IQGAP2: variants seen among roughly 807,000 people sequenced by gnomAD.
IQGAP2 encodes IQ motif containing GTPase activating protein 2.
In IQGAP2, 173 loss-of-function variants were observed where a neutral mutation model predicts 201.3. The observed-to-expected ratio is 0.86, with a 90% CI of 0.76 to 0.98. The LOEUF (loss-of-function observed/expected upper bound fraction) is 0.98, where lower values mean the gene tolerates loss of function less well. Among genes scored for constraint, IQGAP2 ranks in the 50% least tolerant of loss-of-function variants. The pLI is 0.00. For missense variants in IQGAP2, 1,687 were observed against 1,864.8 expected (o/e 0.90, Z 1.76); for synonymous variants, 675 against 673.9 (o/e 1.00, Z -0.03).
chr5:76,430,634 A>G (rs926816699), intron 1 of IQGAP2, among the ~76,000 whole-genome samples: 1 of 152,214 alleles, frequency 6.6e-6, no homozygotes, highest in African/African-American at 2.4e-5. Flanking sequence ...CCCAGATTCA[A>G]GGAGAAGGGA....
intron 14 of IQGAP2, among the ~76,000 whole-genome samples, chr5:76,630,271 C>T (rs1750589165): frequency 6.6e-6 from 1 of 152,180 alleles, no homozygotes; most frequent in Non-Finnish European, 1.5e-5. Flanking sequence ...AGCCCAAACA[C>T]CTCCACAGTC....
chr5:76,503,579 CTT>C (rs11297909), intron 2 of IQGAP2, among the ~76,000 whole-genome samples: 36 of 151,694 alleles, frequency 2.4e-4, no homozygotes, highest in East Asian at 1.8e-3. Context: ...TCTCAGGTTA[CTT>C]TTTTTTTAAA....
chr5:76,488,549 A>G (rs77978924), intron 2 of IQGAP2, among the ~76,000 whole-genome samples: 1,892 of 152,288 alleles, frequency 0.012, 38 homozygotes, highest in African/African-American at 0.044. Context: ...AATTCTTCTG[A>G]TCTAAAAACA....
At chr5:76,460,273 T>C (rs1006666960) in intron 1 of IQGAP2, among the ~76,000 whole-genome samples, 3 of 152,004 alleles carry the variant, frequency 2.0e-5, no homozygotes, top group Admixed American at 6.5e-5. Flanking sequence ...CTGCAGAAGG[T>C]GGGAGAATGG....
intron 1 of IQGAP2, among the ~76,000 whole-genome samples, chr5:76,460,322 G>C (rs1394543231): frequency 6.6e-6 from 1 of 152,214 alleles, no homozygotes; most frequent in Non-Finnish European, 1.5e-5. Context: ...GAAGCACTCA[G>C]CGTTGGAGGG....
At chr5:76,619,550 T>C (rs902225400) in intron 13 of IQGAP2, among the ~76,000 whole-genome samples, 1 of 139,410 alleles carries the variant, frequency 7.2e-6, no homozygotes. Context: ...ACAGTCTCAC[T>C]CTGTCGCCCA....
At chr5:76,686,389 A>G (rs955216715) in intron 30 of IQGAP2, among the ~76,000 whole-genome samples, 7 of 149,796 alleles carry the variant, frequency 4.7e-5, no homozygotes, top group African/African-American at 1.7e-4. Context: ...ATTTACCCCA[A>G]TGTTTTGTTC....
intron 1 of IQGAP2, among the ~76,000 whole-genome samples, chr5:76,437,211 C>T (rs1752757737): frequency 6.6e-6 from 1 of 151,988 alleles, no homozygotes; most frequent in Admixed American, 6.6e-5. Flanking sequence ...ACCACCATGC[C>T]CAGCTAATTT....
intron 2 of IQGAP2, among the ~76,000 whole-genome samples, chr5:76,491,490 G>T (rs1756535289): frequency 6.6e-6 from 1 of 151,992 alleles, no homozygotes; most frequent in African/African-American, 2.4e-5. Flanking sequence ...TTTTTGTAGA[G>T]ATAAGATTTC....
At chr5:76,486,519 C>T (rs1275846202) in intron 2 of IQGAP2, among the ~76,000 whole-genome samples, 3 of 152,172 alleles carry the variant, frequency 2.0e-5, no homozygotes, top group African/African-American at 4.8e-5. Context: ...ACCTTAAGCA[C>T]GGTTATCAAC....
chr5:76,555,790 C>T (rs980541369), intron 2 of IQGAP2, among the ~76,000 whole-genome samples: 2 of 152,128 alleles, frequency 1.3e-5, no homozygotes, highest in Non-Finnish European at 2.9e-5. Context: ...GTTCTTCTAC[C>T]TTCTCCAGCC....
chr5:76,677,752 A>G (rs1472930976), intron 28 of IQGAP2, among the ~76,000 whole-genome samples: 1 of 152,006 alleles, frequency 6.6e-6, no homozygotes, highest in Non-Finnish European at 1.5e-5. Flanking sequence ...ACATAGTGAG[A>G]CCCCTATCTC....
intron 17 of IQGAP2, among the ~76,000 whole-genome samples, chr5:76,649,855 A>C (rs761226420): frequency 2.0e-5 from 3 of 152,170 alleles, no homozygotes; most frequent in Non-Finnish European, 2.9e-5. Context: ...AGGCTTTTCC[A>C]AACATTCTTT....
At chr5:76,660,949 G>A (rs969241999) in intron 21 of IQGAP2, among the ~76,000 whole-genome samples, 2 of 152,176 alleles carry the variant, frequency 1.3e-5, no homozygotes, top group Non-Finnish European at 2.9e-5. Flanking sequence ...CTATTTTAAA[G>A]CAGGAGGAAA....
intron 17 of IQGAP2, among the ~76,000 whole-genome samples, chr5:76,644,170 A>T (rs965476414): frequency 6.6e-6 from 1 of 152,102 alleles, no homozygotes; most frequent in Non-Finnish European, 1.5e-5. Context: ...CTTCTTTTAT[A>T]CAGATACTCT....
chr5:76,624,963 A>G (rs1311235695), intron 13 of IQGAP2, among the ~76,000 whole-genome samples: 6 of 152,184 alleles, frequency 3.9e-5, no homozygotes, highest in African/African-American at 1.2e-4. Flanking sequence ...TATCCCAGCT[A>G]CTTGGGAGGC....
intron 30 of IQGAP2, among the ~76,000 whole-genome samples, chr5:76,689,250 A>AC (rs1356687702): frequency 1.3e-5 from 2 of 149,868 alleles, no homozygotes; most frequent in Admixed American, 6.6e-5. Context: ...AAAAAAAAAA[A>AC]AAAAAACCTG....
At chr5:76,700,442 C>T (rs1747269436) in intron 33 of IQGAP2, among the ~76,000 whole-genome samples, 1 of 152,136 alleles carries the variant, frequency 6.6e-6, no homozygotes, top group South Asian at 2.1e-4. Flanking sequence ...GCAGAGGTTG[C>T]AGTGAGCCAA....
intron 2 of IQGAP2, among the ~76,000 whole-genome samples, chr5:76,480,026 G>A (rs189192264): frequency 1.0e-4 from 5 of 49,094 alleles, no homozygotes; most frequent in African/African-American, 2.8e-4. Context: ...AGGGAGGAGC[G>A]ATATGGTTTA....
Sources: gnomAD v4.1 joint callset for allele counts (sites outside exome capture counted in the v4.1 genomes callset) on GRCh38, gnomAD v4.1.1 for gene constraint, MANE v1.5 for transcripts, NCBI Gene and HGNC (gene_info 2026-07-23, HGNC 2026-07-21) for gene names.